TENM4: variants seen among roughly 807,000 people sequenced by gnomAD.
TENM4 encodes teneurin-4.
In TENM4, 82 loss-of-function variants were observed where a neutral mutation model predicts 243.3. The ratio of observed to expected loss-of-function variants is 0.34; its 90% CI spans 0.28 to 0.40. TENM4 has a LOEUF of 0.40. Among genes scored for constraint, TENM4 ranks in the 10% least tolerant of loss-of-function variants. The probability of loss-of-function intolerance (pLI) is 1.00; values close to 1 mark genes in which losing one functional copy is unlikely to be tolerated. For synonymous variants in TENM4, 1,412 were observed against 1,456.3 expected (o/e 0.97, Z 0.69); for missense variants, 3,138 against 3,673.3 (o/e 0.85, Z 3.77).
At chr11:79,374,209 C>T (rs1450943654) in intron 1 of TENM4, among the ~76,000 whole-genome samples, 1 of 152,028 alleles carries the variant, frequency 6.6e-6, no homozygotes, top group African/African-American at 2.4e-5. Context: ...CCACAATGAC[C>T]CCTCCAAATC....
chr11:78,697,255 T>G (rs550800842), intron 28 of TENM4, among the ~76,000 whole-genome samples: 1 of 152,254 alleles, frequency 6.6e-6, no homozygotes, highest in East Asian at 1.9e-4. Flanking sequence ...CCAGCTGAAC[T>G]CTTTCTCCCC....
At chr11:78,770,696 C>T (rs1425017254) in intron 18 of TENM4, among the ~76,000 whole-genome samples, 2 of 152,266 alleles carry the variant, frequency 1.3e-5, no homozygotes, top group Non-Finnish European at 2.9e-5. Flanking sequence ...TGCCAGACAT[C>T]TCATCCTACT....
chr11:78,972,085 A>T (rs776031564), intron 6 of TENM4, among the ~76,000 whole-genome samples: 2 of 152,162 alleles, frequency 1.3e-5, no homozygotes, highest in Non-Finnish European at 2.9e-5. Context: ...ATATATTCTA[A>T]TTTTTTCAAG....
intron 6 of TENM4, among the ~76,000 whole-genome samples, chr11:79,021,223 A>G (rs1037880964): frequency 2.6e-5 from 4 of 152,236 alleles, no homozygotes; most frequent in African/African-American, 9.6e-5. Flanking sequence ...TCTCAAGAAT[A>G]TAAGCATCTG....
At chr11:78,824,553 G>A (rs897509943) in intron 12 of TENM4, among the ~76,000 whole-genome samples, 2 of 149,408 alleles carry the variant, frequency 1.3e-5, no homozygotes, top group Admixed American at 1.3e-4. Flanking sequence ...CCAGGCTGGA[G>A]TGCAGTGGCA....
chr11:78,999,713 T>G (rs1445848286), intron 6 of TENM4, among the ~76,000 whole-genome samples: 1 of 151,840 alleles, frequency 6.6e-6, no homozygotes, highest in African/African-American at 2.4e-5. Flanking sequence ...TGACCCATAC[T>G]TAGGAAGGAA....
chr11:79,242,995 G>C (rs781731457), intron 2 of TENM4, among the ~76,000 whole-genome samples: 5 of 152,174 alleles, frequency 3.3e-5, no homozygotes, highest in Non-Finnish European at 7.3e-5. Context: ...GGGCCTGGGG[G>C]CTAGGAAGGG....
intron 1 of TENM4, among the ~76,000 whole-genome samples, chr11:79,384,302 T>C (rs979507764): frequency 1.3e-5 from 2 of 152,226 alleles, no homozygotes; most frequent in African/African-American, 2.4e-5. Flanking sequence ...TGTGCAGGCA[T>C]GCTTCTTGTT....
intron 6 of TENM4, among the ~76,000 whole-genome samples, chr11:78,963,286 C>A (rs555221032): frequency 6.6e-6 from 1 of 152,192 alleles, no homozygotes; most frequent in Non-Finnish European, 1.5e-5. Flanking sequence ...AGCAAACTCC[C>A]AACTCTTCAG....
intron 18 of TENM4, among the ~76,000 whole-genome samples, chr11:78,766,341 G>A (rs1194470993): frequency 6.6e-6 from 1 of 152,204 alleles, no homozygotes; most frequent in East Asian, 1.9e-4. Flanking sequence ...GGGGCATGGT[G>A]TCACCATCTT....
chr11:79,388,261 C>T (rs1365069142), intron 1 of TENM4, among the ~76,000 whole-genome samples: 5 of 152,192 alleles, frequency 3.3e-5, no homozygotes, highest in Admixed American at 3.3e-4. Flanking sequence ...AGAAAGAATG[C>T]AGTGGGATGC....
intron 12 of TENM4, among the ~76,000 whole-genome samples, chr11:78,832,065 A>G (rs1215904362): frequency 1.3e-5 from 2 of 152,222 alleles, no homozygotes; most frequent in Non-Finnish European, 2.9e-5. Flanking sequence ...GATGTTCTCA[A>G]GGTCTCACAG....
At chr11:79,436,680 G>T (rs1859278132) in intron 1 of TENM4, among the ~76,000 whole-genome samples, 1 of 152,148 alleles carries the variant, frequency 6.6e-6, no homozygotes, top group African/African-American at 2.4e-5. Context: ...CACTAGTTCT[G>T]CCCGTTGGCA....
At chr11:79,409,101 T>C (rs11237823) in intron 1 of TENM4, among the ~76,000 whole-genome samples, 2,646 of 103,600 alleles carry the variant, frequency 0.026, 24 homozygotes, top group South Asian at 0.027. Context: ...TGTGTGTGTG[T>C]GCGCGCGCGC....
intron 9 of TENM4, among the ~76,000 whole-genome samples, chr11:78,866,090 C>A (rs1858968443): frequency 6.6e-6 from 1 of 152,218 alleles, no homozygotes; most frequent in Non-Finnish European, 1.5e-5. Flanking sequence ...TCCTCTACCT[C>A]CTATGTAGGT....
chr11:78,701,318 C>A (rs1859095432), intron 28 of TENM4, among the ~76,000 whole-genome samples: 1 of 152,226 alleles, frequency 6.6e-6, no homozygotes, highest in Admixed American at 6.5e-5. Flanking sequence ...TGATGCCCAG[C>A]TCCTCTGACT....
intron 1 of TENM4, among the ~76,000 whole-genome samples, chr11:79,372,943 G>A (rs983932048): frequency 6.6e-6 from 1 of 152,142 alleles, no homozygotes; most frequent in African/African-American, 2.4e-5. Context: ...GGAATCAACC[G>A]TGCAGCCAAT....
At chr11:79,384,894 C>T (rs183211797) in intron 1 of TENM4, among the ~76,000 whole-genome samples, 225 of 113,272 alleles carry the variant, frequency 2.0e-3, no homozygotes, top group Middle Eastern at 4.3e-3. Flanking sequence ...CCACTGCACT[C>T]CAGCCTGGGC....
At chr11:78,774,294 T>G (rs568245205) in intron 17 of TENM4, among the ~76,000 whole-genome samples, 1 of 152,340 alleles carries the variant, frequency 6.6e-6, no homozygotes, top group South Asian at 2.1e-4. Context: ...AATAAACCTT[T>G]GCCAGCCCAA....
Sources: allele counts gnomAD v4.1 joint callset (sites outside exome capture counted in the v4.1 genomes callset), GRCh38; gene constraint gnomAD v4.1.1; transcripts MANE v1.5; gene names NCBI Gene and HGNC (gene_info 2026-07-23, HGNC 2026-07-21).